The following DRC8 variants were observed in gnomAD, a reference collection of about 807,000 sequenced individuals.
The protein encoded by DRC8 is dynein regulatory complex protein 8.
the DRC8 span, among the ~76,000 whole-genome samples, chr1:244,995,159 C>G: frequency 2.6e-5 from 4 of 152,034 alleles, no homozygotes; most frequent in African/African-American, 4.8e-5. Context: ...TCAGGAGATC[C>G]AGACCATCCT....
At chr1:244,987,500 G>A in the DRC8 span, among the ~76,000 whole-genome samples, 7 of 151,816 alleles carry the variant, frequency 4.6e-5, no homozygotes, top group Non-Finnish European at 1.0e-4. Flanking sequence ...CCACAGCTAC[G>A]GTATTTCATT....
the DRC8 span, among the ~76,000 whole-genome samples, chr1:245,043,555 G>A: frequency 0.035 from 5,261 of 152,120 alleles, 323 homozygotes; most frequent in African/African-American, 0.12. Flanking sequence ...AGGAGTTAGC[G>A]TTTTTTTAAT....
chr1:244,983,087 G>A, the DRC8 span, among the ~76,000 whole-genome samples: 2 of 152,222 alleles, frequency 1.3e-5, no homozygotes, highest in African/African-American at 4.8e-5. Flanking sequence ...AAATCATCTG[G>A]AAAGCTTGTT....
chr1:245,076,748 G>GT, the DRC8 span, among the ~76,000 whole-genome samples: 86 of 150,158 alleles, frequency 5.7e-4, no homozygotes, highest in East Asian at 6.8e-3. Flanking sequence ...GTTTGTTTGT[G>GT]TTTTTTTGGA....
At chr1:244,972,512 A>T in the DRC8 span, among the ~76,000 whole-genome samples, 1 of 152,142 alleles carries the variant, frequency 6.6e-6, no homozygotes, top group Non-Finnish European at 1.5e-5. Flanking sequence ...TTTGTAGGTG[A>T]TTTGTATGTA....
the DRC8 span, chr1:244,969,748 T>G: frequency 4.9e-6 from 1 of 202,362 alleles, no homozygotes; most frequent in Non-Finnish European, 9.8e-6. Flanking sequence ...GTTTTTCCGT[T>G]TTAGCTTCGG....
chr1:245,017,326 G>T, the DRC8 span: 1 of 1,577,948 alleles, frequency 6.3e-7, no homozygotes, highest in South Asian at 1.2e-5. Context: ...GTGGATGTGA[G>T]GTGTGGAAAT....
At chr1:245,086,725 T>C in the DRC8 span, 1 of 533,378 alleles carries the variant, frequency 1.9e-6, no homozygotes, top group Non-Finnish European at 3.8e-6. Flanking sequence ...GACAACCCTA[T>C]GTGACAGGTG....
At chr1:245,110,132 C>T in the DRC8 span, among the ~76,000 whole-genome samples, 18 of 152,206 alleles carry the variant, frequency 1.2e-4, 1 homozygote, top group East Asian at 3.5e-3. Flanking sequence ...CTTGTAATCC[C>T]AGCACTTTGG....
the DRC8 span, among the ~76,000 whole-genome samples, chr1:245,036,241 G>C: frequency 6.6e-6 from 1 of 152,130 alleles, no homozygotes; most frequent in South Asian, 2.1e-4. Flanking sequence ...ATTTCTCCAA[G>C]GAAGATTATT....
the DRC8 span, among the ~76,000 whole-genome samples, chr1:245,079,017 T>G: frequency 6.6e-6 from 1 of 152,216 alleles, no homozygotes; most frequent in African/African-American, 2.4e-5. Flanking sequence ...GAACTCTGTA[T>G]TATATTTGGA....
At chr1:245,113,127 T>C in the DRC8 span, among the ~76,000 whole-genome samples, 6 of 152,312 alleles carry the variant, frequency 3.9e-5, no homozygotes, top group Middle Eastern at 0.01. Flanking sequence ...CTTACCTTGG[T>C]CCTTAAAGAA....
chr1:245,111,550 C>A, the DRC8 span, among the ~76,000 whole-genome samples: 1 of 152,146 alleles, frequency 6.6e-6, no homozygotes, highest in Non-Finnish European at 1.5e-5. Flanking sequence ...TCTTTGTTTC[C>A]TCTTGAACGT....
At chr1:245,009,130 A>T in the DRC8 span, among the ~76,000 whole-genome samples, 1 of 138,186 alleles carries the variant, frequency 7.2e-6, no homozygotes, top group East Asian at 2.2e-4. Flanking sequence ...CCACCTCCCA[A>T]GTTCAAGTGA....
the DRC8 span, among the ~76,000 whole-genome samples, chr1:245,036,310 A>G: frequency 6.6e-6 from 1 of 152,250 alleles, no homozygotes; most frequent in South Asian, 2.1e-4. Flanking sequence ...AGGGAAATGC[A>G]AATCAAAACC....
chr1:245,102,164 G>A, the DRC8 span, among the ~76,000 whole-genome samples: 1 of 152,154 alleles, frequency 6.6e-6, no homozygotes, highest in African/African-American at 2.4e-5. Flanking sequence ...CACTTTATGA[G>A]CAGCCTAATA....
the DRC8 span, among the ~76,000 whole-genome samples, chr1:245,055,213 A>G: frequency 1.3e-5 from 2 of 152,208 alleles, no homozygotes; most frequent in African/African-American, 4.8e-5. Flanking sequence ...ACCAGCAAGA[A>G]CAAGCATGTT....
chr1:245,058,613 T>A, the DRC8 span, among the ~76,000 whole-genome samples: 1 of 152,270 alleles, frequency 6.6e-6, no homozygotes, highest in Non-Finnish European at 1.5e-5. Flanking sequence ...ATTACAACTT[T>A]AATTTTGATA....
chr1:244,971,275 C>T, the DRC8 span, among the ~76,000 whole-genome samples: 9 of 152,172 alleles, frequency 5.9e-5, no homozygotes, highest in African/African-American at 2.2e-4. Context: ...TGGTTGAGAT[C>T]TTGGAACCGC....
Sources: gnomAD v4.1 joint callset for allele counts (sites outside exome capture counted in the v4.1 genomes callset) on GRCh38, gnomAD v4.1.1 for gene constraint, MANE v1.5 for transcripts, NCBI Gene and HGNC (gene_info 2026-07-23, HGNC 2026-07-21) for gene names.